Variants in PACRG observed in about 807,000 individuals in gnomAD.
PACRG encodes parkin coregulated.
Under a neutral mutation model 29.7 loss-of-function variants are expected in PACRG, and 29 were observed. The ratio of observed to expected loss-of-function variants is 0.98; its 90% CI spans 0.73 to 1.33. The LOEUF (loss-of-function observed/expected upper bound fraction) is 1.33. Ranked by LOEUF, PACRG falls within the 40% of genes most tolerant of loss-of-function variation. The pLI is 0.00. For missense variants in PACRG, 279 were observed against 316.2 expected, an observed-to-expected ratio of 0.88 and a Z score of 0.89; for synonymous variants, 116 against 118.7, an observed-to-expected ratio of 0.98 and a Z score of 0.15.
chr6:163,063,762 A>C (rs369576724), intron 3 of PACRG, among the ~76,000 whole-genome samples: 6 of 152,168 alleles, frequency 3.9e-5, no homozygotes, highest in Admixed American at 2.0e-4. Flanking sequence ...ATGTGCGAGT[A>C]ACACAGAGAG....
intron 2 of PACRG, among the ~76,000 whole-genome samples, chr6:163,009,643 C>T (rs1054826903): frequency 4.6e-5 from 7 of 152,170 alleles, no homozygotes; most frequent in Admixed American, 1.3e-4. Context: ...ATTATTAGCA[C>T]AGCTAGCCAC....
chr6:162,732,722 T>C lies in PACRG; in HGVS notation c.156+4331T>C, dbSNP rs114765079. ...TCACCTTTTGTCTAGGCTTGTACAA[T>C]ATCATCCACCTATCAATTGGTTGAC... On this transcript the variant is annotated intron_variant, in intron 1 of 4. Coordinates refer to ENST00000366888, the MANE Select transcript of PACRG (RefSeq NM_001080379.2). Among the ~76,000 whole-genome samples, 1,059 of 152,288 alleles carry C rather than the reference T, an allele frequency of 7.0e-3. 12 individuals carry two copies. Among genetic ancestry groups the C allele is most frequent in the African/African-American group, 0.023 (974 of 41,546 alleles).
At position 163,141,702 on chromosome 6, in the gene PACRG, T is replaced by C. The variant is rs575744930; in HGVS notation, c.613+52294T>C. On this transcript the variant is annotated intron_variant, in intron 4 of 4. Coordinates refer to ENST00000366888, the MANE Select transcript of PACRG (RefSeq NM_001080379.2). ...AGCATTAATGGAGAAAAGAGGGGCA[T>C]CGTAGGATAAGAAGAAGCAAAATCC... Among the ~76,000 whole-genome samples the C allele has an allele frequency of 5.3e-5, 8 of 151,924 alleles. 1 individual carries two copies. The South Asian group carries it at 1.7e-3, about 32-fold the overall frequency.
At chr6:163,103,689 G>A (rs1815226433) in intron 4 of PACRG, among the ~76,000 whole-genome samples, 1 of 152,224 alleles carries the variant, frequency 6.6e-6, no homozygotes, top group Non-Finnish European at 1.5e-5. Flanking sequence ...TAGAATTGAG[G>A]TTTTGGAATG....
At chr6:162,872,742 A>C (rs1792932414) in intron 2 of PACRG, among the ~76,000 whole-genome samples, 1 of 152,152 alleles carries the variant, frequency 6.6e-6, no homozygotes, top group South Asian at 2.1e-4. Flanking sequence ...ACATTGTCCT[A>C]GCAACTACCT....
At chr6:163,125,652 G>A (rs895462457) in intron 4 of PACRG, among the ~76,000 whole-genome samples, 42 of 152,268 alleles carry the variant, frequency 2.8e-4, no homozygotes, top group Middle Eastern at 3.4e-3. Flanking sequence ...AATTCAAACC[G>A]CTATGAAATA....
At chr6:162,924,647 T>C (rs1422933712) in intron 2 of PACRG, among the ~76,000 whole-genome samples, 1 of 152,084 alleles carries the variant, frequency 6.6e-6, no homozygotes, top group Non-Finnish European at 1.5e-5. Flanking sequence ...ATTGGGATGA[T>C]AATACAGTTT....
At chr6:162,790,308 A>C (rs577397632) in intron 1 of PACRG, among the ~76,000 whole-genome samples, 1 of 152,226 alleles carries the variant, frequency 6.6e-6, no homozygotes, top group South Asian at 2.1e-4. Context: ...TAGGATGGAT[A>C]GGTTCAGTGG....
At chr6:162,768,687 A>G (rs901494621) in intron 1 of PACRG, among the ~76,000 whole-genome samples, 3 of 152,072 alleles carry the variant, frequency 2.0e-5, no homozygotes, top group Admixed American at 6.6e-5. Context: ...AGTTGATCAA[A>G]GTTTTTATGG....
rs148934009 is a variant in PACRG, at chr6:163,034,152, C to A, written c.292-27998C>A. Among the ~76,000 whole-genome samples the A allele has an allele frequency of 3.3e-5, 5 of 152,234 alleles. No individual in the cohort carries two copies. In the East Asian group the frequency reaches 9.7e-4, roughly 29 times the overall value. On this transcript the variant is annotated intron_variant, in intron 2 of 4. Coordinates refer to ENST00000366888, the MANE Select transcript of PACRG (RefSeq NM_001080379.2). ...TCAGGGAGGCCAGAGAAAGACCCACCCATTGCAGCAACATTGAAAAGTTCA... is the reference window on the plus strand; with the variant it reads ...TCAGGGAGGCCAGAGAAAGACCCACACATTGCAGCAACATTGAAAAGTTCA...
chr6:162,768,997 C>G (rs1584293445), intron 1 of PACRG, among the ~76,000 whole-genome samples: 1 of 152,126 alleles, frequency 6.6e-6, no homozygotes, highest in African/African-American at 2.4e-5. Flanking sequence ...CTGTGTCTTA[C>G]AATTGCCCAT....
chr6:162,957,152 G>A (rs1443584836), intron 2 of PACRG: 1 of 217,714 alleles, frequency 4.6e-6, no homozygotes, highest in African/African-American at 2.3e-5. Flanking sequence ...ATGAATTTGG[G>A]CTTAGCCTCC....
chr6:163,139,857 C>G (rs1817083149), intron 4 of PACRG, among the ~76,000 whole-genome samples: 1 of 152,200 alleles, frequency 6.6e-6, no homozygotes, highest in Non-Finnish European at 1.5e-5. Context: ...TCTAGTCTAA[C>G]TAGATGCGTT....
intron 4 of PACRG, among the ~76,000 whole-genome samples, chr6:163,124,279 C>G (rs1022252958): frequency 6.6e-6 from 1 of 152,016 alleles, no homozygotes; most frequent in Admixed American, 6.6e-5. Context: ...CTTTGCTGTG[C>G]AGAAATTGAT....
At chr6:163,137,547 C>T (rs940135105) in intron 4 of PACRG, among the ~76,000 whole-genome samples, 1 of 152,132 alleles carries the variant, frequency 6.6e-6, no homozygotes, top group Admixed American at 6.5e-5. Context: ...GCTCTCCGAT[C>T]CTTTCTCCAT....
chr6:163,009,320 C>A (rs1805405469), intron 2 of PACRG, among the ~76,000 whole-genome samples: 1 of 152,132 alleles, frequency 6.6e-6, no homozygotes, highest in African/African-American at 2.4e-5. Context: ...AGTTTTTCAT[C>A]CTGTGCAAAG....
intron 1 of PACRG, among the ~76,000 whole-genome samples, chr6:162,731,124 A>G (rs1339506599): frequency 6.6e-6 from 1 of 152,124 alleles, no homozygotes; most frequent in African/African-American, 2.4e-5. Flanking sequence ...TGGAATAAAT[A>G]ATTTTTTTAA....
chr6:162,793,043 T>C (rs1175440742), intron 1 of PACRG, among the ~76,000 whole-genome samples: 4 of 152,144 alleles, frequency 2.6e-5, no homozygotes, highest in Non-Finnish European at 5.9e-5. Context: ...GGGAGGGCAG[T>C]CCAAGGGCAG....
Position 162,853,928 on chromosome 6 carries a change from G to T in PACRG, c.291+39647G>T. On this transcript the variant is annotated intron_variant, in intron 2 of 4. Transcript: ENST00000366888. The surrounding 1 kb of genome is among the most constrained non-coding windows in gnomAD (Gnocchi z 4.7). ...ATTCTTGAACTTAGAATATTGTTGG[G>T]TCCATGCTAGGTATAAATATTAACT... is the stretch of plus-strand genomic sequence containing the variant. Among the ~76,000 whole-genome samples the T allele has an allele frequency of 6.6e-6, 1 of 151,828 alleles. No homozygotes were observed.
Sources: allele counts gnomAD v4.1 joint callset (sites outside exome capture counted in the v4.1 genomes callset), GRCh38; gene constraint gnomAD v4.1.1; non-coding constraint Gnocchi (gnomAD v3.1); transcripts MANE v1.5; gene names NCBI Gene and HGNC (gene_info 2026-07-23, HGNC 2026-07-21).